Variants in TMEM132C observed in about 807,000 individuals in gnomAD.
TMEM132C encodes transmembrane protein 132C.
TMEM132C carries 29 observed loss-of-function variants against 61.4 expected under a neutral mutation model. The ratio of observed to expected loss-of-function variants is 0.47; its 90% CI spans 0.35 to 0.64. The LOEUF (loss-of-function observed/expected upper bound fraction) is 0.64. Among genes scored for constraint, TMEM132C ranks in the 30% least tolerant of loss-of-function variants. The probability of loss-of-function intolerance (pLI) is 0.00; values close to 1 mark genes in which losing one functional copy is unlikely to be tolerated. For missense variants in TMEM132C, 1,408 were observed against 1,476.9 expected (o/e 0.95, Z 0.76); for synonymous variants, 656 against 633.1 (o/e 1.04, Z -0.54).
chr12:128,550,818 T>G (rs565257269), intron 3 of TMEM132C, among the ~76,000 whole-genome samples: 1 of 152,314 alleles, frequency 6.6e-6, no homozygotes, highest in South Asian at 2.1e-4. Flanking sequence ...CTGCACCACC[T>G]GGGGCTGCCC....
intron 1 of TMEM132C, 25 bp downstream of exon 1, chr12:128,267,512 G>T (rs1187392955): frequency 2.4e-6 from 3 of 1,233,412 alleles, no homozygotes; most frequent in African/African-American, 1.6e-5. Flanking sequence ...GGTGCCTGGC[G>T]CGCCGACGCA....
At chr12:128,526,266 T>C (rs916776993) in intron 2 of TMEM132C, among the ~76,000 whole-genome samples, 4 of 152,348 alleles carry the variant, frequency 2.6e-5, no homozygotes, top group African/African-American at 9.6e-5. Context: ...CAACAGAATT[T>C]AATTTCTCAG....
At position 128,377,093 on chromosome 12, in the gene TMEM132C, C is replaced by T. The variant is rs552322012; in HGVS notation, c.86-37639C>T. ...TTTTTGAGATGGAGTCTTGCTTTGT[C>T]GCCCAGGCTGGAGTGCAGTGGTGTG... On this transcript the variant is annotated intron_variant, in intron 1 of 8. Coordinates refer to ENST00000435159, the MANE Select transcript of TMEM132C (RefSeq NM_001136103.3). Among the ~76,000 whole-genome samples the T allele has an allele frequency of 7.1e-4, 106 of 149,428 alleles. 1 individual carries two copies. The highest frequency in any genetic ancestry group is 2.5e-3 in the African/African-American group (101 of 40,436).
At chr12:128,402,671 G>A (rs1465561595) in intron 1 of TMEM132C, among the ~76,000 whole-genome samples, 2 of 152,194 alleles carry the variant, frequency 1.3e-5, no homozygotes, top group African/African-American at 4.8e-5. Context: ...CAGCGGGGGA[G>A]GGCAGGTGGA....
intron 3 of TMEM132C, among the ~76,000 whole-genome samples, chr12:128,600,783 C>T (rs745699169): frequency 3.9e-4 from 60 of 152,334 alleles, no homozygotes; most frequent in Middle Eastern, 3.4e-3. Flanking sequence ...CCCACTGTGC[C>T]TGGCACAAAT....
chr12:128,359,071 G>T (rs924170584), intron 1 of TMEM132C, among the ~76,000 whole-genome samples: 2 of 152,192 alleles, frequency 1.3e-5, no homozygotes, highest in African/African-American at 4.8e-5. Context: ...TGGTGGTTCT[G>T]AGCAGCTTCA....
At position 128,677,839 on chromosome 12, in the gene TMEM132C, G is replaced by T. The variant is rs371498609; in HGVS notation, c.1449+8279G>T. ...GCACGATACTAGCTAATGGATCCCA[G>T]TGCAGAGCTAAAAATAATGCATTTG... On this transcript the variant is annotated intron_variant, in intron 5 of 8. Transcript: ENST00000435159. 4.6e-5 allele frequency among the ~76,000 whole-genome samples: 7 copies of T among 152,338 alleles called. No individual in the cohort carries two copies. The South Asian group carries it at 1.2e-3, about 27-fold the overall frequency.
intron 5 of TMEM132C, among the ~76,000 whole-genome samples, chr12:128,673,861 G>A (rs1364670724): frequency 6.6e-6 from 1 of 152,186 alleles, no homozygotes. Context: ...TGACCTAGTA[G>A]CCAGCATATA....
rs1172781438 is a variant in TMEM132C at position 128,637,644 on chromosome 12, T to A, written c.1305+21309T>A. Among the ~76,000 whole-genome samples the A allele has an allele frequency of 2.0e-5, 3 of 152,330 alleles. No individual in the cohort carries two copies. The East Asian group carries it at 5.8e-4, about 29-fold the overall frequency. ...GCCTGGAACTCGTGGGCTCCAGGAA[T>A]CCTCCTGCTTCAGCCTCCTGAGTAA... On this transcript the variant is annotated intron_variant, in intron 4 of 8. Coordinates refer to ENST00000435159, the MANE Select transcript of TMEM132C (RefSeq NM_001136103.3).
chr12:128,424,709 A>G (rs1869119661), intron 2 of TMEM132C, among the ~76,000 whole-genome samples: 1 of 152,244 alleles, frequency 6.6e-6, no homozygotes, highest in Non-Finnish European at 1.5e-5. Context: ...ATACTTGACA[A>G]AGTGATATCC....
chr12:128,524,605 G>C (rs959529971), intron 2 of TMEM132C, among the ~76,000 whole-genome samples: 3 of 152,172 alleles, frequency 2.0e-5, no homozygotes, highest in Non-Finnish European at 4.4e-5. Context: ...TGAATTGGGA[G>C]AAAACAAGCC....
At chr12:128,290,373 T>A (rs1052622601) in intron 1 of TMEM132C, among the ~76,000 whole-genome samples, 10 of 151,918 alleles carry the variant, frequency 6.6e-5, no homozygotes, top group South Asian at 4.2e-4. Flanking sequence ...TGCCACACTT[T>A]TAAACTATCA....
At chr12:128,318,374 C>T (rs1176651741) in intron 1 of TMEM132C, among the ~76,000 whole-genome samples, 1 of 152,142 alleles carries the variant, frequency 6.6e-6, no homozygotes, top group Non-Finnish European at 1.5e-5. Context: ...ATGTAACCAA[C>T]CTACTGGCTA....
At chr12:128,358,756 G>T (rs1184507552) in intron 1 of TMEM132C, among the ~76,000 whole-genome samples, 1 of 151,974 alleles carries the variant, frequency 6.6e-6, no homozygotes, top group African/African-American at 2.4e-5. Context: ...CAATATGTAG[G>T]CCTAAAGAAC....
chr12:128,322,537 T>C (rs1872368845), intron 1 of TMEM132C, among the ~76,000 whole-genome samples: 1 of 152,246 alleles, frequency 6.6e-6, no homozygotes, highest in Non-Finnish European at 1.5e-5. Context: ...AGGAGGATGC[T>C]GGACAGCAAA....
intron 3 of TMEM132C, among the ~76,000 whole-genome samples, chr12:128,578,498 G>A (rs905126157): frequency 3.9e-5 from 6 of 152,118 alleles, no homozygotes; most frequent in South Asian, 2.1e-4. Flanking sequence ...TCTACTTGTC[G>A]CCTTATTATC....
At position 128,603,295 on chromosome 12, in the gene TMEM132C, G is replaced by A. The variant is rs768940322; in HGVS notation, c.1122-12857G>A. Among the ~76,000 whole-genome samples, 11 of 152,348 alleles carry A rather than the reference G, an allele frequency of 7.2e-5. 1 individual carries two copies. In the South Asian group the frequency reaches 1.4e-3, roughly 20 times the overall value. ...AGACAGATGCTCCTCTTGATGGACAGCACAACAGAGTCCCCTTGCAGAGGG... is the reference window on the plus strand; with the variant it reads ...AGACAGATGCTCCTCTTGATGGACAACACAACAGAGTCCCCTTGCAGAGGG... On this transcript the variant is annotated intron_variant, in intron 3 of 8. Coordinates refer to ENST00000435159, the MANE Select transcript of TMEM132C (RefSeq NM_001136103.3).
chr12:128,512,839 T>A (rs1298967673), intron 2 of TMEM132C, among the ~76,000 whole-genome samples: 1 of 152,190 alleles, frequency 6.6e-6, no homozygotes, highest in Non-Finnish European at 1.5e-5. Flanking sequence ...CACCTCGCTT[T>A]TTGAAAACTT....
At position 128,314,038 on chromosome 12, in the gene TMEM132C, G is replaced by T. The variant is rs548035927; in HGVS notation, c.85+46551G>T. 4.6e-5 allele frequency among the ~76,000 whole-genome samples: 7 copies of T among 152,144 alleles called. No individual in the cohort carries two copies. The East Asian group carries it at 9.6e-4, about 21-fold the overall frequency. On this transcript the variant is annotated intron_variant, in intron 1 of 8. Transcript: ENST00000435159. ...ACTCACAGCTGAGAAGAAAGGGTGG[G>T]AAACCCTAGAAATGGTTAGGGTCCC...
Sources: gnomAD v4.1 joint callset for allele counts (sites outside exome capture counted in the v4.1 genomes callset) on GRCh38, gnomAD v4.1.1 for gene constraint, MANE v1.5 for transcripts, NCBI Gene and HGNC (gene_info 2026-07-23, HGNC 2026-07-21) for gene names.